Variants in PRIM2 observed in about 807,000 individuals in gnomAD.
PRIM2 encodes DNA primase subunit 2, also known as DNA primase large subunit.
A neutral mutation model predicts 67.3 loss-of-function variants in PRIM2; 39 were observed. The ratio of observed to expected loss-of-function variants is 0.58; its 90% CI spans 0.45 to 0.76. PRIM2 has a LOEUF of 0.76. Ranked by LOEUF, PRIM2 falls within the 30% of genes least tolerant of loss-of-function variation. The pLI is 0.00. For missense variants in PRIM2, 398 were observed against 598.7 expected (o/e 0.66, Z 3.50); for synonymous variants, 143 against 198.7 (o/e 0.72, Z 2.36).
intron 10 of PRIM2, chr6:57,586,860 G>T (rs1295289567): frequency 6.6e-6 from 1 of 152,178 alleles, no homozygotes; most frequent in African/African-American, 2.4e-5. Context: ...AAATGTAAGA[G>T]AAGACTAATC....
chr6:57,470,464 TC>T (rs1773312068), intron 7 of PRIM2, among the ~76,000 whole-genome samples: 1 of 108,748 alleles, frequency 9.2e-6, no homozygotes, highest in African/African-American at 3.6e-5. Context: ...TCTCCCCGTC[TC>T]CCTCTCTTTT....
At chr6:57,485,002 G>A (rs1414324526) in intron 7 of PRIM2, among the ~76,000 whole-genome samples, 2 of 152,118 alleles carry the variant, frequency 1.3e-5, no homozygotes, top group Admixed American at 1.3e-4. Flanking sequence ...TCTAGTCAAA[G>A]TACTCAAAAA....
chr6:57,538,014 T>C (rs1321657124), intron 10 of PRIM2, among the ~76,000 whole-genome samples: 21 of 126,426 alleles, frequency 1.7e-4, no homozygotes, highest in Non-Finnish European at 1.9e-4. Flanking sequence ...TTATAAACTT[T>C]TGTTTTTTTT....
chr6:57,411,282 C>T (rs1192168121), intron 7 of PRIM2, among the ~76,000 whole-genome samples: 9 of 152,118 alleles, frequency 5.9e-5, no homozygotes, highest in Non-Finnish European at 1.3e-4. Flanking sequence ...CCAATTAAAC[C>T]TCTTTTCTTA....
chr6:57,440,202 T>C (rs1772159066), intron 7 of PRIM2, among the ~76,000 whole-genome samples: 1 of 151,354 alleles, frequency 6.6e-6, no homozygotes, highest in Non-Finnish European at 1.5e-5. Context: ...TTTTATTTTT[T>C]TCTTTTCCTT....
chr6:57,615,209 G>C (rs1776733007), intron 12 of PRIM2, among the ~76,000 whole-genome samples: 2 of 152,014 alleles, frequency 1.3e-5, no homozygotes, highest in African/African-American at 2.4e-5. Flanking sequence ...CTTGAGCCCA[G>C]GAGTTCGAGA....
At chr6:57,282,710 C>T in the PRIM2 span, among the ~76,000 whole-genome samples, 4 of 152,172 alleles carry the variant, frequency 2.6e-5, no homozygotes, top group Non-Finnish European at 5.9e-5. Flanking sequence ...CATGTGAAGA[C>T]ACAAGAGAGA....
At chr6:57,352,499 A>T (rs1016754469) in intron 5 of PRIM2, among the ~76,000 whole-genome samples, 1 of 152,142 alleles carries the variant, frequency 6.6e-6, no homozygotes, top group African/African-American at 2.4e-5. Context: ...TCGGCCTCCC[A>T]AAGAGCTGGG....
intron 7 of PRIM2, among the ~76,000 whole-genome samples, chr6:57,467,387 T>G (rs1404258765): frequency 1.3e-5 from 2 of 151,680 alleles, no homozygotes; most frequent in African/African-American, 2.4e-5. Flanking sequence ...TAGGGAATCC[T>G]TTCCCCATTG....
chr6:57,310,407 T>A (rs1404530292), upstream of PRIM2, among the ~76,000 whole-genome samples: 3 of 152,218 alleles, frequency 2.0e-5, no homozygotes, highest in Non-Finnish European at 4.4e-5. Flanking sequence ...GCAGAAGAAT[T>A]TTTCTTAGTA....
the PRIM2 span, among the ~76,000 whole-genome samples, chr6:57,232,046 A>G: frequency 1.3e-5 from 2 of 152,330 alleles, no homozygotes; most frequent in South Asian, 4.1e-4. Context: ...AAATTCTTCT[A>G]TTAAAGAAGA....
chr6:57,570,027 A>G (rs1311869977), intron 10 of PRIM2, among the ~76,000 whole-genome samples: 13 of 152,162 alleles, frequency 8.5e-5, no homozygotes, highest in Non-Finnish European at 1.8e-4. Flanking sequence ...CAGGTGAGCC[A>G]CCACGCCCTG....
chr6:57,232,560 A>T, the PRIM2 span, among the ~76,000 whole-genome samples: 1 of 152,218 alleles, frequency 6.6e-6, no homozygotes, highest in Non-Finnish European at 1.5e-5. Flanking sequence ...AAAAATAAAA[A>T]TAAAATTAAA....
Position 57,645,420 on chromosome 6 carries a change from G to A in PRIM2, c.1300-508G>A, listed in dbSNP as rs1200083853. On this transcript the variant is annotated intron_variant, in intron 13 of 13. Transcript: ENST00000615550. ...TAGTTTTCTAATTTTTTGTTTTGAC[G>A]TAATTGTCAACCAGAATTGGTAATG... Among the ~76,000 whole-genome samples, 868 of 150,006 alleles carry A rather than the reference G, an allele frequency of 5.8e-3. 8 individuals carry two copies. The highest frequency in any genetic ancestry group is 0.021 in the African/African-American group (831 of 40,436).
chr6:57,542,713 C>G (rs1775188030), intron 10 of PRIM2, among the ~76,000 whole-genome samples: 2 of 152,000 alleles, frequency 1.3e-5, no homozygotes, highest in African/African-American at 4.8e-5. Flanking sequence ...TTCTGACTTT[C>G]TATGACTATT....
At position 57,458,690 on chromosome 6, in the gene PRIM2, AAGAC is replaced by A. The variant is rs1378739949; in HGVS notation, c.694-48695_694-48692del. ...ACAAGAGTGAAACTCTGTCTCAAAA[AAGAC>A]AAACAAACAAACAAACAGAAACAAA... is the stretch of plus-strand genomic sequence containing the variant. On this transcript the variant is annotated intron_variant, in intron 7 of 13. Coordinates refer to ENST00000615550, the MANE Select transcript of PRIM2 (RefSeq NM_000947.5). Among the ~76,000 whole-genome samples, 672 of 152,270 alleles carry A rather than the reference AAGAC, an allele frequency of 4.4e-3. 5 individuals are homozygous for A. The highest frequency in any genetic ancestry group is 0.016 in the African/African-American group (644 of 41,536).
chr6:57,316,513 C>G (rs992379308), upstream of PRIM2, among the ~76,000 whole-genome samples: 1 of 152,192 alleles, frequency 6.6e-6, no homozygotes. Context: ...GATATAAAGT[C>G]AGTGCCAGCC....
At chr6:57,387,034 T>C (rs1290177036) in intron 7 of PRIM2, among the ~76,000 whole-genome samples, 1 of 152,176 alleles carries the variant, frequency 6.6e-6, no homozygotes, top group Non-Finnish European at 1.5e-5. Context: ...TGATAAAAAA[T>C]TGACATTACT....
chr6:57,501,232 A>G (rs2127457622), intron 7 of PRIM2, among the ~76,000 whole-genome samples: 1 of 152,328 alleles, frequency 6.6e-6, no homozygotes, highest in African/African-American at 2.4e-5. Context: ...TTACTCTTGA[A>G]AAGATATGAC....
Sources: gnomAD v4.1 joint callset for allele counts (sites outside exome capture counted in the v4.1 genomes callset) on GRCh38, gnomAD v4.1.1 for gene constraint, MANE v1.5 for transcripts, NCBI Gene and HGNC (gene_info 2026-07-23, HGNC 2026-07-21) for gene names.